DDX10: variants seen among roughly 807,000 people sequenced by gnomAD.
DDX10 encodes the protein probable ATP-dependent RNA helicase DDX10.
Under a neutral mutation model 104.3 loss-of-function variants are expected in DDX10, and 74 were observed. The observed-to-expected ratio is 0.71, with a 90% CI of 0.59 to 0.86. The LOEUF (loss-of-function observed/expected upper bound fraction) is 0.86, where lower values mean the gene tolerates loss of function less well. DDX10 is among the 40% of genes least tolerant of loss of function. DDX10 has a pLI of 0.00. For missense variants in DDX10, 952 were observed against 1,040.0 expected (o/e 0.92, Z 1.16); for synonymous variants, 351 against 353.4 (o/e 0.99, Z 0.08).
intron 9 of DDX10, among the ~76,000 whole-genome samples, chr11:108,696,101 C>T (rs148070261): frequency 3.2e-4 from 49 of 152,202 alleles, no homozygotes; most frequent in African/African-American, 1.2e-3. Flanking sequence ...GAATAGTTGC[C>T]TGTTCTCCAT....
chr11:108,836,752 G>C (rs751905685), intron 13 of DDX10, among the ~76,000 whole-genome samples: 1 of 152,188 alleles, frequency 6.6e-6, no homozygotes, highest in Non-Finnish European at 1.5e-5. Context: ...GCCTGCCAAA[G>C]TGCTGGGATT....
At chr11:108,754,734 GT>G (rs933678439) in intron 13 of DDX10, among the ~76,000 whole-genome samples, 1 of 151,958 alleles carries the variant, frequency 6.6e-6, no homozygotes, top group Admixed American at 6.6e-5. Context: ...AAAAGATTCT[GT>G]TTTCTTGTTC....
At chr11:108,899,050 C>A (rs149267715) in intron 16 of DDX10, among the ~76,000 whole-genome samples, 1 of 152,306 alleles carries the variant, frequency 6.6e-6, no homozygotes, top group African/African-American at 2.4e-5. Context: ...GTGCATTGAA[C>A]ACAAGAAAGT....
chr11:108,814,770 A>G (rs1045790795), intron 13 of DDX10, among the ~76,000 whole-genome samples: 4 of 152,202 alleles, frequency 2.6e-5, no homozygotes, highest in African/African-American at 4.8e-5. Context: ...ATACATCAAT[A>G]TATTTGTTAT....
At chr11:108,847,791 C>T (rs1862739029) in intron 15 of DDX10, among the ~76,000 whole-genome samples, 2 of 152,176 alleles carry the variant, frequency 1.3e-5, no homozygotes, top group African/African-American at 4.8e-5. Flanking sequence ...CATGTATCGT[C>T]ATATTATATG....
chr11:108,822,552 G>C (rs1862339577), intron 13 of DDX10: 2 of 214,872 alleles, frequency 9.3e-6, no homozygotes, highest in African/African-American at 4.7e-5. Context: ...AGAGACTATG[G>C]AGATTAGGCC....
chr11:108,936,534 AT>A (rs1219883183), intron 17 of DDX10, among the ~76,000 whole-genome samples: 2 of 152,200 alleles, frequency 1.3e-5, no homozygotes, highest in Admixed American at 6.5e-5. Flanking sequence ...ATTAAAAAAA[AT>A]CTTCCAAACC....
At chr11:108,669,841 A>C (rs1257856598) in intron 1 of DDX10, among the ~76,000 whole-genome samples, 1 of 152,180 alleles carries the variant, frequency 6.6e-6, no homozygotes, top group Non-Finnish European at 1.5e-5. Context: ...TGCTGACTTT[A>C]AAGACAGAAG....
chr11:108,816,399 C>T (rs938356451), intron 13 of DDX10, among the ~76,000 whole-genome samples: 3 of 152,154 alleles, frequency 2.0e-5, no homozygotes, highest in East Asian at 3.9e-4. Context: ...CGGACTCAGA[C>T]CAAGAACCCG....
At position 108,723,140 on chromosome 11, in the gene DDX10, T is replaced by G; in HGVS notation, c.1643T>G (p.Phe548Cys). Residue 548 changes from phenylalanine (F) to cysteine (C), a missense_variant, in exon 13 of 18, where the codon TTT (phenylalanine) becomes TGT (cysteine). Around this residue, in one of 3 missense-constraint regions of DDX10, gnomAD observed 533 missense variants for 534.1 expected, o/e 1.00. Coordinates refer to ENST00000322536, the MANE Select transcript of DDX10 (RefSeq NM_004398.4). ...CTCACCAATGACGAAGTGGAAGAAT[T>G]TAGAGCCTACTTCAATGAGAAAATG... ...PSLTNDEVEE[F>C]RAYFNEKMSI... is the part of the protein sequence containing the mutation. The G allele has an allele frequency of 1.2e-6, 2 of 1,613,822 alleles. No homozygotes were observed. The highest frequency in any genetic ancestry group is 1.7e-6 in the Non-Finnish European group (2 of 1,179,864).
chr11:108,896,632 C>A (rs1323825333), intron 16 of DDX10, among the ~76,000 whole-genome samples: 5 of 152,110 alleles, frequency 3.3e-5, no homozygotes, highest in African/African-American at 1.2e-4. Flanking sequence ...TCACTGAGTT[C>A]TGTTTGAAAT....
At chr11:108,856,469 CA>C (rs1361895180) in intron 16 of DDX10, among the ~76,000 whole-genome samples, 1 of 150,516 alleles carries the variant, frequency 6.6e-6, no homozygotes, top group East Asian at 2.0e-4. Context: ...CCAAAAAAAA[CA>C]AAAAACAAAA....
chr11:108,799,834 T>A (rs572453423), intron 13 of DDX10, among the ~76,000 whole-genome samples: 2 of 152,204 alleles, frequency 1.3e-5, no homozygotes, highest in South Asian at 4.1e-4. Flanking sequence ...AGAGTTGATG[T>A]TCAGTAAATC....
At chr11:108,804,653 G>A (rs947758989) in intron 13 of DDX10, among the ~76,000 whole-genome samples, 1 of 152,180 alleles carries the variant, frequency 6.6e-6, no homozygotes, top group African/African-American at 2.4e-5. Context: ...GCAATTAAGT[G>A]TTGGCCAGTT....
chr11:108,769,491 CTT>C (rs1411164957), intron 13 of DDX10, among the ~76,000 whole-genome samples: 1 of 151,958 alleles, frequency 6.6e-6, no homozygotes, highest in African/African-American at 2.4e-5. Flanking sequence ...GATTTATTCT[CTT>C]ATATCTTTAG....
At chr11:108,803,430 C>A (rs1182230327) in intron 13 of DDX10, among the ~76,000 whole-genome samples, 1 of 151,768 alleles carries the variant, frequency 6.6e-6, no homozygotes, top group Admixed American at 6.6e-5. Context: ...CCCATCTCTA[C>A]TAAAAATAAA....
chr11:108,709,490 T>A (rs1334958218), intron 10 of DDX10, among the ~76,000 whole-genome samples: 1 of 152,232 alleles, frequency 6.6e-6, no homozygotes, highest in Admixed American at 6.5e-5. Flanking sequence ...ATTGAGAGTG[T>A]TTATTTCTTG....
chr11:108,772,104 T>C (rs1430971311), intron 13 of DDX10, among the ~76,000 whole-genome samples: 1 of 152,226 alleles, frequency 6.6e-6, no homozygotes, highest in Non-Finnish European at 1.5e-5. Context: ...TCAAGGTAAC[T>C]ATTAAACTTC....
intron 13 of DDX10, among the ~76,000 whole-genome samples, chr11:108,760,867 A>G (rs984377816): frequency 3.3e-5 from 5 of 151,944 alleles, no homozygotes; most frequent in African/African-American, 9.7e-5. Flanking sequence ...ATTGCCACAT[A>G]TTCCTTTTCT....
Sources: gnomAD v4.1 joint callset for allele counts (sites outside exome capture counted in the v4.1 genomes callset) on GRCh38, gnomAD v4.1.1 for gene constraint, gnomAD v4.1.1 regional missense constraint, MANE v1.5 for transcripts, NCBI Gene and HGNC (gene_info 2026-07-23, HGNC 2026-07-21) for gene names.